Variants in AP1M2 observed in about 807,000 individuals in gnomAD.
The protein encoded by AP1M2 is adaptor related protein complex 1 subunit mu 2, also known as AP-1 complex subunit mu-2.
Under a neutral mutation model 54.6 loss-of-function variants are expected in AP1M2, and 41 were observed. The ratio of observed to expected loss-of-function variants is 0.75; its 90% CI spans 0.59 to 0.97. The LOEUF (loss-of-function observed/expected upper bound fraction) is 0.97, where lower values mean the gene tolerates loss of function less well. AP1M2 is among the 50% of genes least tolerant of loss of function. The pLI is 0.00. For missense variants in AP1M2, 507 were observed against 561.2 expected (o/e 0.90, Z 0.98); for synonymous variants, 219 against 215.9 (o/e 1.01, Z -0.13).
chr19:10,587,082 AG>A, intron 1 of AP1M2, 107 bp downstream of exon 1: 2 of 1,200,366 alleles, frequency 1.7e-6, no homozygotes, highest in Admixed American at 2.3e-5. Flanking sequence ...TTGCAGGGGG[AG>A]GGGGTGTTCC....
intron 3 of AP1M2, 56 bp from the exon 4 acceptor site, chr19:10,581,934 T>C: frequency 4.0e-6 from 6 of 1,508,748 alleles, no homozygotes; most frequent in Non-Finnish European, 5.3e-6. Flanking sequence ...TTGGGCATAG[T>C]AGCTCATGCC....
intron 9 of AP1M2, among the ~76,000 whole-genome samples, chr19:10,575,489 C>T (rs1917200304): frequency 6.6e-6 from 1 of 152,074 alleles, no homozygotes; most frequent in South Asian, 2.1e-4. Context: ...TGTGGGTCAC[C>T]TCATCCTGCC....
Position 10,581,838 on chromosome 19 carries a change from A to C in AP1M2, c.308T>G (p.Ile103Ser). The C allele has an allele frequency of 6.2e-7, 1 of 1,613,764 alleles. No individual in the cohort carries two copies. The highest frequency in any genetic ancestry group is 8.5e-7 in the Non-Finnish European group (1 of 1,179,930). Residue 103 changes from isoleucine (I) to serine (S), a missense_variant, in exon 4 of 12, where the codon ATC (isoleucine) becomes AGC (serine). Ile to Ser is a moderately radical substitution (Grantham distance 142, BLOSUM62 -2). Transcript: ENST00000250244. Reference sequence around the variant, plus strand: ...GTAGACGATGACAAAGTTGTCCCGGATGCTCTCCTCCTCCAGCTCCTTGAA... The same window carrying C: ...GTAGACGATGACAAAGTTGTCCCGGCTGCTCTCCTCCTCCAGCTCCTTGAA... ...EYFKELEEES[I>S]RDNFVIVYEL...
chr19:10,587,295 C>G lies in AP1M2; in HGVS notation c.-64G>C. The G allele has an allele frequency of 6.5e-7, 1 of 1,543,814 alleles. No homozygotes were observed. Among genetic ancestry groups the G allele is most frequent in the East Asian group, 2.4e-5 (1 of 41,010 alleles). ...CCGGGAGGCGATGGCGGCGCCGCTT[C>G]CTTCTTCCTGCGGAAGCGCCTGCGC... On this transcript the variant is annotated 5_prime_UTR_variant, in exon 1 of 12. Coordinates refer to ENST00000250244, the MANE Select transcript of AP1M2 (RefSeq NM_005498.5).
rs1403407362 is a variant in AP1M2 at position 10,577,346 on chromosome 19, T to C, written c.899A>G (p.Gln300Arg). The C allele has an allele frequency of 1.5e-5, 24 of 1,591,596 alleles. No homozygotes were observed. Among genetic ancestry groups the C allele is most frequent in the Non-Finnish European group, 2.1e-5 (24 of 1,166,258 alleles). Residue 300 changes from glutamine (Q) to arginine (R), a missense_variant, in exon 9 of 12, where the codon CAG becomes CGG. Transcript: ENST00000250244. The stretch of plus-strand genomic sequence containing the variant: ...GTTGGCCACTGACTGTTTCTTAAAC[T>C]GCCCCTTGGCCTGTCAGGGGAGCGA... ...RVEIMVKAKG[Q>R]FKKQSVANGV...
intron 7 of AP1M2, among the ~76,000 whole-genome samples, chr19:10,579,313 C>T (rs938267397): frequency 3.3e-5 from 5 of 151,902 alleles, no homozygotes; most frequent in Non-Finnish European, 7.4e-5. Flanking sequence ...CTACTCGGGA[C>T]GCTGAGGCAG....
In AP1M2 at chr19:10,577,308, A is replaced by G. The variant is rs763088273; in HGVS notation, c.937T>C (p.Ser313Pro). ...KQSVANGVEI[S>P]VPVPSDADSP... Reference sequence around the variant, plus strand: ...TCGGCATCGCTGGGTACAGGCACAGATATCTCCACACCGTTGGCCACTGAC... The same window carrying G: ...TCGGCATCGCTGGGTACAGGCACAGGTATCTCCACACCGTTGGCCACTGAC... The change falls in exon 9 of 12, where the codon TCT becomes CCT. Residue 313 changes from serine to proline, a missense_variant. Ser to Pro is a moderately conservative substitution (Grantham distance 74). Transcript: ENST00000250244. The G allele has an allele frequency of 1.9e-6, 3 of 1,610,492 alleles. No individual in the cohort carries two copies. The highest frequency in any genetic ancestry group is 3.4e-5 in the Admixed American group (2 of 59,624).
At position 10,583,957 on chromosome 19, in the gene AP1M2, G is replaced by C. The variant is rs374316308; in HGVS notation, c.156C>G (p.His52Gln). 1.6e-5 allele frequency: 26 copies of C among 1,603,174 alleles called. No homozygotes were observed. The Admixed American group carries it at 2.9e-4, about 18-fold the overall frequency. The part of the protein sequence containing the change: ...EEGALAPLLS[H>Q]GQVHFLWIKH... ...TGATCCATAGGAAGTGGACCTGGCC[G>C]TGGCTCAGCAGCGGGGCCAGGGCGC... Residue 52 changes from histidine (H) to glutamine (Q), a missense_variant, in exon 2 of 12, where the codon CAC (histidine) becomes CAG (glutamine). Transcript: ENST00000250244.
intron 8 of AP1M2, among the ~76,000 whole-genome samples, chr19:10,578,191 A>C (rs1203039688): frequency 1.3e-5 from 2 of 152,146 alleles, no homozygotes; most frequent in African/African-American, 4.8e-5. Context: ...TGTGTGCCTC[A>C]GTTTCCTCAT....
At chr19:10,579,082 T>C in intron 7 of AP1M2, 119 bp from the exon 8 acceptor site, 1 of 736,474 alleles carries the variant, frequency 1.4e-6, no homozygotes, top group South Asian at 1.8e-5. Flanking sequence ...TGAAGTGCCA[T>C]GGCGTGATCT....
At chr19:10,585,283 A>AAAGAAAGAAAGAAAG (rs1568434699) in intron 1 of AP1M2, among the ~76,000 whole-genome samples, 8 of 104,564 alleles carry the variant, frequency 7.7e-5, no homozygotes, top group African/African-American at 1.7e-4. Context: ...AAAGAAGAAA[A>AAAGAAAGAAAGAAAG]AAAGAAAGAA....
Position 10,577,152 on chromosome 19 carries a change from C to G in AP1M2, c.1047+46G>C, listed in dbSNP as rs1260891075. 3 of 1,565,024 alleles carry G rather than the reference C, an allele frequency of 1.9e-6. No individual in the cohort carries two copies. In the South Asian group the frequency reaches 3.5e-5, roughly 18 times the overall value. ...GCTCCTGGGCAGCCCCCACACTACTCCAGTCCCCTCCACCCCCAGATCCCC... is the reference window on the plus strand; with the variant it reads ...GCTCCTGGGCAGCCCCCACACTACTGCAGTCCCCTCCACCCCCAGATCCCC... On this transcript the variant is annotated intron_variant, in intron 9 of 11. Transcript: ENST00000250244.
In AP1M2 at chr19:10,573,068, A is replaced by G. The variant is rs752324172; in HGVS notation, c.1270T>C (p.Ter424GlnextTer8). The change falls in exon 12 of 12, where the codon TAG becomes CAG. Residue 424 changes from the stop codon to glutamine (Q), a stop_lost. Coordinates refer to ENST00000250244, the MANE Select transcript of AP1M2 (RefSeq NM_005498.5). ...QSGDYQLRTS[*>Q] Reference sequence around the variant, plus strand: ...CAAGCCCCCATCTCTTCTCCCTTCTAGCTGGTACGAAGTTGGTAATCTGCA... The same window carrying G: ...CAAGCCCCCATCTCTTCTCCCTTCTGGCTGGTACGAAGTTGGTAATCTGCA... 5.1e-6 allele frequency: 8 copies of G among 1,564,464 alleles called. 1 individual carries two copies. The East Asian group carries it at 7.1e-5, about 14-fold the overall frequency.
At chr19:10,583,709 T>C (rs1349237656) in intron 2 of AP1M2, 36 bp from the exon 3 acceptor site, 1 of 1,594,528 alleles carries the variant, frequency 6.3e-7, no homozygotes, top group Non-Finnish European at 8.6e-7. Flanking sequence ...GTGCCATTTA[T>C]GGAGAAGTAA....
intron 9 of AP1M2, among the ~76,000 whole-genome samples, chr19:10,575,769 CTTTTTTTT>C (rs71162097): frequency 4.3e-5 from 4 of 93,582 alleles, no homozygotes; most frequent in African/African-American, 1.7e-4. Flanking sequence ...CTTTTTTTTT[CTTTTTTTT>C]TTTTTTTGAG....
At chr19:10,573,132 A>G (rs1185576555) in intron 11 of AP1M2, 44 bp from the exon 12 acceptor site, 6 of 1,541,880 alleles carry the variant, frequency 3.9e-6, no homozygotes, top group Non-Finnish European at 5.3e-6. Flanking sequence ...AAATGGGGAG[A>G]GGGGGGCCGG....
chr19:10,585,122 G>A (rs761803983), intron 1 of AP1M2: 1 of 151,380 alleles, frequency 6.6e-6, no homozygotes, highest in Non-Finnish European at 1.5e-5. Flanking sequence ...GGCTAAGGCA[G>A]AAGAATCAAT....
At chr19:10,577,734 CTTTTT>C (rs61052727) in intron 8 of AP1M2, among the ~76,000 whole-genome samples, 27,415 of 112,866 alleles carry the variant, frequency 0.24, 3,412 homozygotes, top group East Asian at 0.6. Context: ...CATGCTTGGC[CTTTTT>C]TTTTTTTTTT....
intron 1 of AP1M2, chr19:10,584,951 G>T (rs1200185838): frequency 6.6e-6 from 1 of 151,686 alleles, no homozygotes; most frequent in Non-Finnish European, 1.5e-5. Flanking sequence ...CAAAGAAGAG[G>T]CCAGGTGCAA....
Sources: gnomAD v4.1 joint callset for allele counts (sites outside exome capture counted in the v4.1 genomes callset) on GRCh38, gnomAD v4.1.1 for gene constraint, MANE v1.5 for transcripts, NCBI Gene and HGNC (gene_info 2026-07-23, HGNC 2026-07-21) for gene names.